ERICH5: variants seen among roughly 807,000 people sequenced by gnomAD.
ERICH5 encodes glutamate-rich protein 5.
In ERICH5, 24 loss-of-function variants were observed where a neutral mutation model predicts 28.0. The ratio of observed to expected loss-of-function variants is 0.86; its 90% CI spans 0.62 to 1.21. ERICH5 has a LOEUF of 1.21. Ranked by LOEUF, ERICH5 falls within the 50% of genes most tolerant of loss-of-function variation. The pLI, the probability that ERICH5 is intolerant of heterozygous loss-of-function variation, is 0.00. For synonymous variants in ERICH5, 163 were observed against 157.6 expected, an observed-to-expected ratio of 1.03 and a Z score of -0.25; for missense variants, 421 against 441.2, an observed-to-expected ratio of 0.95 and a Z score of 0.41.
At chr8:98,082,853 G>A (rs367735765) in intron 1 of ERICH5, among the ~76,000 whole-genome samples, 7 of 152,040 alleles carry the variant, frequency 4.6e-5, no homozygotes, top group East Asian at 1.9e-4. Flanking sequence ...CCTTGGTGAC[G>A]GATTGAGACC....
In ERICH5 at chr8:98,093,502, T is replaced by A; in HGVS notation, c.*169T>A. ...GGATGTTTCTGTGTTCTTGATTATA[T>A]TGTTCTGCAAAACTGCTAAGCCATG... is the stretch of plus-strand genomic sequence containing the variant. On this transcript the variant is annotated 3_prime_UTR_variant, in exon 3 of 3. Coordinates refer to ENST00000318528, the MANE Select transcript of ERICH5 (RefSeq NM_173549.3). 2.1e-6 allele frequency: 1 copy of A among 474,210 alleles called. No individual in the cohort carries two copies. The highest frequency in any genetic ancestry group is 3.7e-6 in the Non-Finnish European group (1 of 267,912). The allele number at this position is 474,210 out of a possible 1,614,324, so 29.4% of individuals were successfully genotyped here. A position where few individuals can be genotyped will look rare whatever the true frequency, so the allele number is the denominator to read the frequency against.
intron 2 of ERICH5, 25 bp downstream of exon 2, chr8:98,090,054 G>A: frequency 6.5e-7 from 1 of 1,535,602 alleles, no homozygotes; most frequent in South Asian, 1.2e-5. Flanking sequence ...GGCAAACCTG[G>A]ATGTTTAGAT....
intron 1 of ERICH5, among the ~76,000 whole-genome samples, chr8:98,071,000 A>G (rs1161046015): frequency 6.6e-6 from 1 of 152,194 alleles, no homozygotes; most frequent in Non-Finnish European, 1.5e-5. Flanking sequence ...GCAGTGGCTC[A>G]TGCCTGTAAT....
At chr8:98,070,071 T>C (rs1311879003) in intron 1 of ERICH5, among the ~76,000 whole-genome samples, 2 of 152,134 alleles carry the variant, frequency 1.3e-5, no homozygotes, top group East Asian at 1.9e-4. Context: ...TCAGAGCTAG[T>C]AGGTCTAGTA....
At chr8:98,078,711 G>T (rs992937812) in intron 1 of ERICH5, among the ~76,000 whole-genome samples, 4 of 152,172 alleles carry the variant, frequency 2.6e-5, no homozygotes, top group Non-Finnish European at 5.9e-5. Context: ...CTGTCACAAT[G>T]AATTTGTGCA....
Position 98,089,059 on chromosome 8 carries a change from C to T in ERICH5, c.59-17C>T. The T allele has an allele frequency of 6.4e-7, 1 of 1,552,062 alleles. No individual in the cohort carries two copies. The highest frequency in any genetic ancestry group is 8.7e-7 in the Non-Finnish European group (1 of 1,147,376). Reference sequence around the variant, plus strand: ...TGTTTTCTCTTTTCTTTTTCTTTTTCAAATGAATAACCAAAGTAACTTCAA... The same window carrying T: ...TGTTTTCTCTTTTCTTTTTCTTTTTTAAATGAATAACCAAAGTAACTTCAA... On this transcript the variant is annotated splice_polypyrimidine_tract_variant and intron_variant, in intron 1 of 2. Transcript: ENST00000318528.
At chr8:98,076,950 G>A (rs1258663892) in intron 1 of ERICH5, among the ~76,000 whole-genome samples, 1 of 152,130 alleles carries the variant, frequency 6.6e-6, no homozygotes, top group Admixed American at 6.5e-5. Context: ...CTCACTAGCT[G>A]TGTGCCCCTC....
At chr8:98,075,125 C>T (rs1369855744) in intron 1 of ERICH5, among the ~76,000 whole-genome samples, 2 of 152,174 alleles carry the variant, frequency 1.3e-5, no homozygotes, top group African/African-American at 4.8e-5. Flanking sequence ...AACTGCCCTT[C>T]TCATCACATC....
Position 98,089,194 on chromosome 8 carries a change from T to C in ERICH5, c.177T>C (p.Arg59=), listed in dbSNP as rs765998074. ...TVDGNVQRES[R]PPLQKLKVSA... is the part of the protein sequence containing the mutation. ...ATGGCAATGTACAAAGGGAAAGCCG[T>C]CCTCCCTTACAAAAGCTCAAGGTTT... The change falls in exon 2 of 3, where the codon CGT becomes CGC. Residue 59 remains arginine, a synonymous_variant. Transcript: ENST00000318528. 4 of 1,614,042 alleles carry C rather than the reference T, an allele frequency of 2.5e-6. No individual in the cohort carries two copies. Among genetic ancestry groups the C allele is most frequent in the South Asian group, 2.2e-5 (2 of 91,058 alleles).
chr8:98,066,360 G>A (rs1563751681), intron 1 of ERICH5, among the ~76,000 whole-genome samples: 1 of 152,254 alleles, frequency 6.6e-6, no homozygotes, highest in African/African-American at 2.4e-5. Flanking sequence ...CCTAGGAGTA[G>A]CATCCTGGTT....
intron 2 of ERICH5, among the ~76,000 whole-genome samples, chr8:98,091,842 TTCTTTC>T (rs1477930840): frequency 6.5e-4 from 43 of 66,386 alleles, no homozygotes; most frequent in Non-Finnish European, 8.1e-4. Context: ...TTCTTTTTCT[TTCTTTC>T]TTTCTTTCTT....
At chr8:98,068,246 A>G (rs1279644956) in intron 1 of ERICH5, among the ~76,000 whole-genome samples, 1 of 152,142 alleles carries the variant, frequency 6.6e-6, no homozygotes, top group Non-Finnish European at 1.5e-5. Flanking sequence ...ATGTGGGGAC[A>G]TTTGCCCTGA....
chr8:98,076,339 C>T (rs145841517), intron 1 of ERICH5, among the ~76,000 whole-genome samples: 3,036 of 152,096 alleles, frequency 0.02, 108 homozygotes, highest in African/African-American at 0.069. Flanking sequence ...CAGGCATGAG[C>T]CACCGTGCCC....
At chr8:98,087,287 G>C (rs1586206602) in intron 1 of ERICH5, among the ~76,000 whole-genome samples, 1 of 152,092 alleles carries the variant, frequency 6.6e-6, no homozygotes, top group African/African-American at 2.4e-5. Context: ...ACAGCTAAAA[G>C]AATTAAAATA....
In ERICH5 at chr8:98,083,425, A is replaced by G. The variant is rs531033402; in HGVS notation, c.59-5651A>G. On this transcript the variant is annotated intron_variant, in intron 1 of 2. Coordinates refer to ENST00000318528, the MANE Select transcript of ERICH5 (RefSeq NM_173549.3). ...TACTTGCAATTAATTTGAAGTCTTCATTCATGATGAGGCAGGAGGGGGAGG... is the reference window on the plus strand; with the variant it reads ...TACTTGCAATTAATTTGAAGTCTTCGTTCATGATGAGGCAGGAGGGGGAGG... 3.7e-3 allele frequency among the ~76,000 whole-genome samples: 556 copies of G among 152,278 alleles called. 5 individuals are homozygous for G. The highest frequency in any genetic ancestry group is 0.012 in the African/African-American group (510 of 41,540).
intron 1 of ERICH5, among the ~76,000 whole-genome samples, chr8:98,071,423 T>C (rs1384522652): frequency 1.3e-5 from 2 of 152,236 alleles, no homozygotes; most frequent in Non-Finnish European, 2.9e-5. Context: ...TCACCAAAGC[T>C]GATAAAAACT....
At chr8:98,068,254 T>C (rs1814852798) in intron 1 of ERICH5, among the ~76,000 whole-genome samples, 1 of 152,212 alleles carries the variant, frequency 6.6e-6, no homozygotes. Flanking sequence ...ACATTTGCCC[T>C]GACCCATTAG....
At chr8:98,065,723 A>G (rs1249090169) in intron 1 of ERICH5, among the ~76,000 whole-genome samples, 3 of 152,242 alleles carry the variant, frequency 2.0e-5, no homozygotes, top group African/African-American at 7.2e-5. Context: ...ATGGAGGTTA[A>G]GCAAACTCCG....
intron 2 of ERICH5, among the ~76,000 whole-genome samples, chr8:98,091,980 CT>C (rs1563759779): frequency 1.3e-3 from 12 of 9,362 alleles, no homozygotes; most frequent in African/African-American, 2.9e-3. Context: ...TCTTTTTCTT[CT>C]CTCTCTCTCT....
Sources: gnomAD v4.1 joint callset for allele counts (sites outside exome capture counted in the v4.1 genomes callset) on GRCh38, gnomAD v4.1.1 for gene constraint, MANE v1.5 for transcripts, NCBI Gene and HGNC (gene_info 2026-07-23, HGNC 2026-07-21) for gene names.